FMNL2: variants seen among roughly 807,000 people sequenced by gnomAD.
FMNL2 encodes formin like 2.
In FMNL2, 51 loss-of-function variants were observed where a neutral mutation model predicts 130.2. That is an observed-to-expected ratio of 0.39 (90% confidence interval 0.31 to 0.49). The LOEUF (loss-of-function observed/expected upper bound fraction) is 0.49, where lower values mean the gene tolerates loss of function less well. FMNL2 is among the 20% of genes least tolerant of loss of function. FMNL2 has a pLI of 0.85. For missense variants in FMNL2, 977 were observed against 1,316.2 expected (o/e 0.74, Z 3.99); for synonymous variants, 465 against 467.1 (o/e 1.00, Z 0.06).
At chr2:152,491,020 T>C (rs1691156333) in intron 1 of FMNL2, among the ~76,000 whole-genome samples, 1 of 152,152 alleles carries the variant, frequency 6.6e-6, no homozygotes, top group Admixed American at 6.5e-5. Context: ...CTCGCCAGCT[T>C]TGCTCCATTG....
At chr2:152,609,605 A>C (rs1276214832) in intron 10 of FMNL2, among the ~76,000 whole-genome samples, 2 of 152,168 alleles carry the variant, frequency 1.3e-5, no homozygotes, top group East Asian at 3.8e-4. Context: ...ATATTTTTTA[A>C]AGCTCATTTA....
At chr2:152,375,197 G>T (rs970488659) in intron 1 of FMNL2, among the ~76,000 whole-genome samples, 3 of 152,226 alleles carry the variant, frequency 2.0e-5, no homozygotes, top group African/African-American at 7.2e-5. Flanking sequence ...CATTGAAACT[G>T]TAAGAGTTTG....
chr2:152,405,386 C>A (rs1459697081), intron 1 of FMNL2, among the ~76,000 whole-genome samples: 1 of 152,154 alleles, frequency 6.6e-6, no homozygotes, highest in African/African-American at 2.4e-5. Context: ...AGAATGTCAA[C>A]AGAATGACTC....
intron 9 of FMNL2, among the ~76,000 whole-genome samples, chr2:152,591,761 A>C (rs890690305): frequency 3.3e-5 from 5 of 152,162 alleles, no homozygotes; most frequent in African/African-American, 1.2e-4. Context: ...AGCCGTGATC[A>C]CACCGCTGCA....
rs1403069134 is a variant in FMNL2, at chr2:152,619,683, C to A, written c.1802C>A (p.Ser601Tyr). ...TCTGCACCTCCGCTGCCTGGAACAT[C>A]TTCACCCACAGTGGTTTTCAACTCA... Reference protein sequence around the residue: ...LPSAPPLPGTSSPTVVFNSGL... With the variant: ...LPSAPPLPGTYSPTVVFNSGL... Residue 601 changes from serine to tyrosine, a missense_variant, in exon 15 of 26, where the codon TCT becomes TAT. Transcript: ENST00000288670. 6.2e-7 allele frequency: 1 copy of A among 1,612,576 alleles called. No individual in the cohort carries two copies. Among genetic ancestry groups the A allele is most frequent in the Non-Finnish European group, 8.5e-7 (1 of 1,179,590 alleles).
intron 1 of FMNL2, among the ~76,000 whole-genome samples, chr2:152,514,883 T>C (rs540976483): frequency 6.6e-6 from 1 of 152,288 alleles, no homozygotes; most frequent in African/African-American, 2.4e-5. Flanking sequence ...GAGGCTACTG[T>C]ACATACATTA....
intron 1 of FMNL2, chr2:152,389,851 T>C (rs1685002592): frequency 9.2e-7 from 1 of 1,092,600 alleles, no homozygotes; most frequent in East Asian, 2.4e-5. Flanking sequence ...CATACAGACT[T>C]TCAGCCACGA....
At chr2:152,646,998 G>C (rs1683646277) in intron 25 of FMNL2, among the ~76,000 whole-genome samples, 1 of 152,138 alleles carries the variant, frequency 6.6e-6, no homozygotes, top group Non-Finnish European at 1.5e-5. Flanking sequence ...TGCAGTGATT[G>C]ACTCATTCAT....
At chr2:152,522,134 C>A in intron 2 of FMNL2, 108 bp downstream of exon 2, 3 of 909,570 alleles carry the variant, frequency 3.3e-6, no homozygotes, top group Non-Finnish European at 5.1e-6. Flanking sequence ...ATATTTGCTT[C>A]TGCGACAGAG....
At position 152,640,039 on chromosome 2, in the gene FMNL2, G is replaced by A. The variant is rs762593615; in HGVS notation, c.3028G>A (p.Glu1010Lys). 1 of 1,553,092 alleles carries A rather than the reference G, an allele frequency of 6.4e-7. No homozygotes were observed. The change falls in exon 24 of 26, where the codon GAG (glutamate) becomes AAG (lysine). Residue 1010 changes from glutamate to lysine, a missense_variant. Glu to Lys is a moderately conservative substitution (Grantham distance 56). Coordinates refer to ENST00000288670, the MANE Select transcript of FMNL2 (RefSeq NM_052905.4). ...ACTCCTAGAGCAAGAAGCTCTGATGGAGCAGCAGGATCCAAAGGTAAGAAG... is the reference window on the plus strand; with the variant it reads ...ACTCCTAGAGCAAGAAGCTCTGATGAAGCAGCAGGATCCAAAGGTAAGAAG... The part of the protein sequence containing the change: ...EKLLEQEALM[E>K]QQDPKSPSHK...
At chr2:152,477,849 A>G (rs1396126671) in intron 1 of FMNL2, among the ~76,000 whole-genome samples, 1 of 152,166 alleles carries the variant, frequency 6.6e-6, no homozygotes, top group Non-Finnish European at 1.5e-5. Flanking sequence ...TGGTGTATAT[A>G]TATACACACA....
chr2:152,519,748 T>C (rs1692979024), intron 1 of FMNL2, among the ~76,000 whole-genome samples: 1 of 152,368 alleles, frequency 6.6e-6, no homozygotes, highest in East Asian at 1.9e-4. Flanking sequence ...ATGCTTATTA[T>C]GAGTATTAAC....
At chr2:152,450,507 G>T (rs749190738) in intron 1 of FMNL2, among the ~76,000 whole-genome samples, 2 of 152,156 alleles carry the variant, frequency 1.3e-5, no homozygotes, top group Non-Finnish European at 2.9e-5. Flanking sequence ...AAGCTTTTCT[G>T]ATTTTAATTA....
At chr2:152,618,084 A>T (rs987425274) in intron 13 of FMNL2, among the ~76,000 whole-genome samples, 1 of 152,216 alleles carries the variant, frequency 6.6e-6, no homozygotes, top group African/African-American at 2.4e-5. Context: ...CGCTTGTACA[A>T]GGCCCAGCAA....
chr2:152,527,380 T>C (rs1385499458), intron 2 of FMNL2, among the ~76,000 whole-genome samples: 1 of 152,236 alleles, frequency 6.6e-6, no homozygotes, highest in Non-Finnish European at 1.5e-5. Flanking sequence ...TCCAGTTACC[T>C]ATCAACCTTG....
intron 1 of FMNL2, among the ~76,000 whole-genome samples, chr2:152,485,607 C>T (rs1160696281): frequency 1.3e-5 from 2 of 152,160 alleles, no homozygotes; most frequent in Non-Finnish European, 2.9e-5. Context: ...TGTGTGTTGA[C>T]AATTTATCTG....
chr2:152,579,059 G>A, intron 8 of FMNL2, 95 bp downstream of exon 8: 2 of 977,812 alleles, frequency 2.0e-6, no homozygotes, highest in African/African-American at 1.7e-5. Context: ...AAACTTTCAA[G>A]TGTTAATCTC....
intron 6 of FMNL2, among the ~76,000 whole-genome samples, chr2:152,565,894 T>C (rs1272285278): frequency 6.6e-6 from 1 of 152,076 alleles, no homozygotes; most frequent in Non-Finnish European, 1.5e-5. Flanking sequence ...ATCGTCCCCC[T>C]TCAGCATCCC....
intron 9 of FMNL2, among the ~76,000 whole-genome samples, chr2:152,597,560 G>C (rs1266488264): frequency 6.6e-6 from 1 of 152,136 alleles, no homozygotes; most frequent in Admixed American, 6.5e-5. Context: ...CGTGGCTGTG[G>C]TGAATACAGG....
Sources: gnomAD v4.1 joint callset for allele counts (sites outside exome capture counted in the v4.1 genomes callset) on GRCh38, gnomAD v4.1.1 for gene constraint, MANE v1.5 for transcripts, NCBI Gene and HGNC (gene_info 2026-07-23, HGNC 2026-07-21) for gene names.